Variants in GALNTL6 observed in about 807,000 individuals in gnomAD.
GALNTL6 encodes polypeptide N-acetylgalactosaminyltransferase like 6, also known as polypeptide N-acetylgalactosaminyltransferase-like 6.
In GALNTL6, 46 loss-of-function variants were observed where a neutral mutation model predicts 73.7. The ratio of observed to expected loss-of-function variants is 0.62; its 90% CI spans 0.49 to 0.80. The LOEUF (loss-of-function observed/expected upper bound fraction) is 0.80. Ranked by LOEUF, GALNTL6 falls within the 30% of genes least tolerant of loss-of-function variation. GALNTL6 has a pLI of 0.00. For synonymous variants in GALNTL6, 259 were observed against 263.7 expected (o/e 0.98, Z 0.17); for missense variants, 604 against 755.0 (o/e 0.80, Z 2.34).
chr4:172,837,830 A>G (rs1742993707), intron 7 of GALNTL6, among the ~76,000 whole-genome samples: 2 of 152,198 alleles, frequency 1.3e-5, no homozygotes, highest in South Asian at 4.1e-4. Flanking sequence ...ATAGCTAAAA[A>G]CTACCTTCAT....
At chr4:172,624,568 C>T (rs1021436888) in intron 5 of GALNTL6, among the ~76,000 whole-genome samples, 1 of 152,012 alleles carries the variant, frequency 6.6e-6, no homozygotes, top group African/African-American at 2.4e-5. Context: ...GGAGTCTAAA[C>T]ATTGACCTCT....
chr4:172,707,681 T>C (rs1734439821), intron 5 of GALNTL6, among the ~76,000 whole-genome samples: 1 of 152,140 alleles, frequency 6.6e-6, no homozygotes, highest in South Asian at 2.1e-4. Context: ...TCAAGACTGT[T>C]GTAATAGAGA....
chr4:172,590,021 A>G (rs1251382722), intron 5 of GALNTL6, among the ~76,000 whole-genome samples: 1 of 152,234 alleles, frequency 6.6e-6, no homozygotes, highest in African/African-American at 2.4e-5. Flanking sequence ...TCAGAGGCCC[A>G]TGGTACTTGT....
At chr4:172,335,505 G>C (rs1431190223) in intron 4 of GALNTL6, among the ~76,000 whole-genome samples, 1 of 152,158 alleles carries the variant, frequency 6.6e-6, no homozygotes, top group Non-Finnish European at 1.5e-5. Context: ...TTTTGGAATA[G>C]TTTTAGTAGA....
chr4:172,747,053 G>A (rs1737154390), intron 5 of GALNTL6, among the ~76,000 whole-genome samples: 1 of 151,702 alleles, frequency 6.6e-6, no homozygotes. Context: ...ATCTGTCAAA[G>A]AAAAAATAAG....
intron 5 of GALNTL6, among the ~76,000 whole-genome samples, chr4:172,452,217 G>A (rs923039882): frequency 1.3e-4 from 20 of 152,138 alleles, no homozygotes; most frequent in African/African-American, 4.6e-4. Context: ...ATGGGATGGA[G>A]TGTTGAAAAG....
At chr4:172,682,043 A>C (rs1392526041) in intron 5 of GALNTL6, among the ~76,000 whole-genome samples, 1 of 152,190 alleles carries the variant, frequency 6.6e-6, no homozygotes, top group Non-Finnish European at 1.5e-5. Context: ...CAGAACAAAC[A>C]AAATAAAGTT....
At chr4:172,129,897 T>G (rs979008707) in intron 2 of GALNTL6, among the ~76,000 whole-genome samples, 3 of 152,122 alleles carry the variant, frequency 2.0e-5, no homozygotes, top group Admixed American at 6.6e-5. Context: ...GGGATCTCAT[T>G]TTGGTCCTGC....
At chr4:172,967,597 C>G (rs1008285903) in intron 10 of GALNTL6, among the ~76,000 whole-genome samples, 2 of 151,780 alleles carry the variant, frequency 1.3e-5, no homozygotes, top group Admixed American at 6.6e-5. Flanking sequence ...TTATGAAGTC[C>G]CAACTATAAT....
chr4:173,023,948 G>A (rs1196268542), intron 12 of GALNTL6, among the ~76,000 whole-genome samples: 2 of 152,086 alleles, frequency 1.3e-5, no homozygotes, highest in African/African-American at 4.8e-5. Flanking sequence ...CGATAAAATA[G>A]CTGACTGGCC....
chr4:171,975,544 T>TACATGACTACTA (rs1211939179), intron 2 of GALNTL6, among the ~76,000 whole-genome samples: 5,765 of 152,144 alleles, frequency 0.038, 313 homozygotes, highest in African/African-American at 0.11. Flanking sequence ...TAGGCTGAAC[T>TACATGACTACTA]GGGGCTAGTT....
intron 5 of GALNTL6, among the ~76,000 whole-genome samples, chr4:172,577,647 A>G (rs576857759): frequency 6.6e-6 from 1 of 152,232 alleles, no homozygotes; most frequent in East Asian, 1.9e-4. Context: ...CAGGCCCCCA[A>G]GGATCCTGCA....
At chr4:172,644,379 C>T (rs111361484) in intron 5 of GALNTL6, among the ~76,000 whole-genome samples, 1,713 of 151,920 alleles carry the variant, frequency 0.011, 16 homozygotes, top group Non-Finnish European at 0.019. Context: ...TACTCAGCAC[C>T]CCAGAAAGAT....
chr4:172,210,250 C>G (rs963785439), intron 2 of GALNTL6, among the ~76,000 whole-genome samples: 2 of 152,016 alleles, frequency 1.3e-5, no homozygotes, highest in African/African-American at 4.8e-5. Flanking sequence ...TTATTAATAT[C>G]TTACATTAGC....
intron 5 of GALNTL6, among the ~76,000 whole-genome samples, chr4:172,443,187 C>G (rs1241919113): frequency 2.0e-5 from 2 of 102,416 alleles, no homozygotes; most frequent in African/African-American, 7.3e-5. Context: ...TTTTTTGAGA[C>G]AGAGTTTCAC....
chr4:171,834,770 G>C (rs1307087833), intron 2 of GALNTL6, among the ~76,000 whole-genome samples: 1 of 151,916 alleles, frequency 6.6e-6, no homozygotes, highest in Admixed American at 6.6e-5. Context: ...GAGGGGTAAA[G>C]GACGAGAGGC....
At chr4:172,664,374 GA>G (rs1462109083) in intron 5 of GALNTL6, among the ~76,000 whole-genome samples, 2 of 152,290 alleles carry the variant, frequency 1.3e-5, no homozygotes, top group East Asian at 3.9e-4. Flanking sequence ...TGATTCATTT[GA>G]CAGTACAGTT....
At chr4:172,819,024 G>A (rs927975698) in intron 7 of GALNTL6, among the ~76,000 whole-genome samples, 4 of 152,168 alleles carry the variant, frequency 2.6e-5, no homozygotes, top group Non-Finnish European at 4.4e-5. Flanking sequence ...AGCAATAGCC[G>A]TGACCCATTG....
At chr4:172,237,010 T>G (rs1396827589) in intron 3 of GALNTL6, among the ~76,000 whole-genome samples, 2 of 152,226 alleles carry the variant, frequency 1.3e-5, no homozygotes, top group African/African-American at 4.8e-5. Context: ...GACAATGGTC[T>G]CCAGCTCCAT....
Sources: gnomAD v4.1 joint callset for allele counts (sites outside exome capture counted in the v4.1 genomes callset) on GRCh38, gnomAD v4.1.1 for gene constraint, MANE v1.5 for transcripts, NCBI Gene and HGNC (gene_info 2026-07-23, HGNC 2026-07-21) for gene names.